Variants in MYO5A observed in about 807,000 individuals in gnomAD.
MYO5A encodes the protein myosin VA.
Under a neutral mutation model 249.7 loss-of-function variants are expected in MYO5A, and 98 were observed. The ratio of observed to expected loss-of-function variants is 0.39; its 90% CI spans 0.33 to 0.46. The LOEUF (loss-of-function observed/expected upper bound fraction) is 0.46, where lower values mean the gene tolerates loss of function less well. Among genes scored for constraint, MYO5A ranks in the 20% least tolerant of loss-of-function variants. MYO5A has a pLI of 0.98. For synonymous variants in MYO5A, 778 were observed against 810.6 expected (o/e 0.96, Z 0.68); for missense variants, 1,696 against 2,308.8 (o/e 0.73, Z 5.44).
chr15:52,383,275 C>T (rs2041835721), intron 15 of MYO5A, 87 bp from the exon 16 acceptor site: 8 of 1,112,658 alleles, frequency 7.2e-6, no homozygotes, highest in Non-Finnish European at 1.1e-5. Flanking sequence ...CTTCCTATGA[C>T]ACTAATGGAG....
At chr15:52,519,265 C>T (rs2077562312) in intron 1 of MYO5A, among the ~76,000 whole-genome samples, 1 of 152,030 alleles carries the variant, frequency 6.6e-6, no homozygotes, top group Admixed American at 6.5e-5. Context: ...TGAGGAAATA[C>T]GGTAGAAAGA....
intron 15 of MYO5A, among the ~76,000 whole-genome samples, chr15:52,383,475 A>C (rs2041844187): frequency 6.6e-6 from 1 of 152,248 alleles, no homozygotes; most frequent in South Asian, 2.1e-4. Context: ...GAGCTTAGTC[A>C]TATGTAACTA....
chr15:52,389,111 G>C, intron 13 of MYO5A, 127 bp downstream of exon 13: 2 of 902,566 alleles, frequency 2.2e-6, no homozygotes, highest in Non-Finnish European at 3.3e-6. Flanking sequence ...CAACACTGAA[G>C]ACTGCTGTCC....
intron 1 of MYO5A, among the ~76,000 whole-genome samples, chr15:52,488,890 C>T (rs1296126503): frequency 6.6e-6 from 1 of 152,152 alleles, no homozygotes; most frequent in Non-Finnish European, 1.5e-5. Context: ...TCTTAAAACG[C>T]AAAACTCTCT....
At chr15:52,491,826 T>C (rs945648333) in intron 1 of MYO5A, among the ~76,000 whole-genome samples, 2 of 152,208 alleles carry the variant, frequency 1.3e-5, no homozygotes, top group South Asian at 2.1e-4. Flanking sequence ...AACTACACCA[T>C]GGCAACATAA....
intron 4 of MYO5A, among the ~76,000 whole-genome samples, chr15:52,419,464 GCTCT>G (rs1238066585): frequency 4.6e-5 from 7 of 152,194 alleles, no homozygotes; most frequent in Non-Finnish European, 7.4e-5. Context: ...AAGCTGCTCT[GCTCT>G]CTGTGTCTCT....
Position 52,311,728 on chromosome 15 carries a change from G to C in MYO5A, c.*1968C>G, listed in dbSNP as rs1207667764. On this transcript the variant is annotated 3_prime_UTR_variant, in exon 42 of 42. Coordinates refer to ENST00000399233, the MANE Select transcript of MYO5A (RefSeq NM_001382347.1). ...CAGAGAATGGACTTACTGAGTAACT[G>C]CAGCTTTTTCTCTCTAGAATCTAAG... 1.3e-5 allele frequency: 2 copies of C among 152,318 alleles called. No homozygotes were observed. The highest frequency in any genetic ancestry group is 2.9e-5 in the Non-Finnish European group (2 of 68,020). 9.4% of individuals were successfully genotyped at this position (152,318 alleles called of 1,614,324 possible). A position where few individuals can be genotyped will look rare whatever the true frequency, so the allele number is the denominator to read the frequency against.
intron 28 of MYO5A, among the ~76,000 whole-genome samples, chr15:52,349,636 T>C (rs1259651377): frequency 2.6e-5 from 4 of 152,232 alleles, no homozygotes; most frequent in African/African-American, 7.2e-5. Context: ...TGATTTTTAC[T>C]AAAATTTCTT....
Position 52,323,390 on chromosome 15 carries a change from A to T in MYO5A, c.4765T>A (p.Phe1589Ile). 1 of 1,613,842 alleles carries T rather than the reference A, an allele frequency of 6.2e-7. No homozygotes were observed. Among genetic ancestry groups the T allele is most frequent in the South Asian group, 1.1e-5 (1 of 91,078 alleles). Residue 1589 changes from phenylalanine (F) to isoleucine (I), a missense_variant, in exon 37 of 42, where the codon TTT becomes ATT. By Grantham distance (21) the Phe-to-Ile change is conservative (BLOSUM62 0). Around this residue, in one of 5 missense-constraint regions of MYO5A, gnomAD observed 625 missense variants for 908.1 expected, o/e 0.69. Coordinates refer to ENST00000399233, the MANE Select transcript of MYO5A (RefSeq NM_001382347.1). ...CTGTACTGTTTCAAGCAGTGCAAAA[A>T]TCGGCATGTGTTAGAGAGCCAGAAG... ...VSFWLSNTCR[F>I]LHCLKQYSGE...
intron 24 of MYO5A, among the ~76,000 whole-genome samples, chr15:52,364,285 T>C (rs148060235): frequency 1.8e-4 from 27 of 152,096 alleles, no homozygotes; most frequent in African/African-American, 6.0e-4. Context: ...ACTGACTTTA[T>C]ACTATCACAT....
intron 1 of MYO5A, among the ~76,000 whole-genome samples, chr15:52,513,187 T>C (rs1418511991): frequency 1.3e-5 from 2 of 151,690 alleles, no homozygotes; most frequent in Non-Finnish European, 2.9e-5. Context: ...TCCCAGCACT[T>C]TGGGAGGCCG....
chr15:52,479,226 C>T (rs2076664568), intron 1 of MYO5A, among the ~76,000 whole-genome samples: 1 of 152,074 alleles, frequency 6.6e-6, no homozygotes, highest in Admixed American at 6.6e-5. Flanking sequence ...GACCTGCCCT[C>T]CTCAGCCTCC....
rs184116380 is a variant in MYO5A at position 52,358,914 on chromosome 15, T to C, written c.3423+1054A>G. Among the ~76,000 whole-genome samples, 5 of 152,304 alleles carry C rather than the reference T, an allele frequency of 3.3e-5. No individual in the cohort carries two copies. The East Asian group carries it at 5.8e-4, about 18-fold the overall frequency. Reference sequence around the variant, plus strand: ...CATGGGCCCCAGCCAATGTTAGCTATAGATAGAAAAGGGATTGGAGAGTTG... The same window carrying C: ...CATGGGCCCCAGCCAATGTTAGCTACAGATAGAAAAGGGATTGGAGAGTTG... On this transcript the variant is annotated intron_variant, in intron 25 of 41. Transcript: ENST00000399233.
At chr15:52,391,089 C>G (rs2042214587) in intron 12 of MYO5A, among the ~76,000 whole-genome samples, 1 of 152,002 alleles carries the variant, frequency 6.6e-6, no homozygotes, top group Admixed American at 6.6e-5. Flanking sequence ...AGTTCCATTC[C>G]TGGGTCAAGG....
chr15:52,350,019 G>A (rs1427988576), intron 28 of MYO5A, among the ~76,000 whole-genome samples: 3 of 152,228 alleles, frequency 2.0e-5, no homozygotes, highest in East Asian at 1.9e-4. Flanking sequence ...TGCAAGCTCC[G>A]CCTCCCAGGT....
At chr15:52,526,352 C>T (rs993973372) in intron 1 of MYO5A, among the ~76,000 whole-genome samples, 3 of 151,992 alleles carry the variant, frequency 2.0e-5, no homozygotes, top group African/African-American at 7.3e-5. Flanking sequence ...GTGACTAACT[C>T]GCCCAGCTAA....
intron 1 of MYO5A, among the ~76,000 whole-genome samples, chr15:52,484,134 A>C (rs1393196303): frequency 6.6e-6 from 1 of 152,224 alleles, no homozygotes; most frequent in Non-Finnish European, 1.5e-5. Flanking sequence ...AGAAAGATTA[A>C]AGTGATTAGA....
rs1418266021 is a variant in MYO5A at position 52,379,658 on chromosome 15, T to C, written c.2175A>G (p.Gln725=). 3 of 1,614,062 alleles carry C rather than the reference T, an allele frequency of 1.9e-6. No homozygotes were observed. Among genetic ancestry groups the C allele is most frequent in the African/African-American group, 2.7e-5 (2 of 74,922 alleles). ...KQKDVLSDRK[Q]TCKNVLEKLI... Reference sequence around the variant, plus strand: ...GTTTCTCTAACACATTCTTGCATGTTTGCTTTCTGTCACTCAGCACATCTT... The same window carrying C: ...GTTTCTCTAACACATTCTTGCATGTCTGCTTTCTGTCACTCAGCACATCTT... Residue 725 remains glutamine (Q), a synonymous_variant, in exon 18 of 42, where the codon CAA becomes CAG. Coordinates refer to ENST00000399233, the MANE Select transcript of MYO5A (RefSeq NM_001382347.1).
At chr15:52,436,265 G>A (rs1309509829) in intron 1 of MYO5A, among the ~76,000 whole-genome samples, 1 of 152,178 alleles carries the variant, frequency 6.6e-6, no homozygotes, top group Non-Finnish European at 1.5e-5. Context: ...CCCTTACCAT[G>A]TTCTACAAGG....
Sources: allele counts gnomAD v4.1 joint callset (sites outside exome capture counted in the v4.1 genomes callset), GRCh38; gene constraint gnomAD v4.1.1; regional missense constraint gnomAD v4.1.1; transcripts MANE v1.5; gene names NCBI Gene and HGNC (gene_info 2026-07-23, HGNC 2026-07-21).